The following B4GALNT2 variants were observed in gnomAD, a reference collection of about 807,000 sequenced individuals.
B4GALNT2 encodes the protein beta-1,4-N-acetyl-galactosaminyltransferase 2 (SID blood group).
In B4GALNT2, 42 loss-of-function variants were observed where a neutral mutation model predicts 51.1. That is an observed-to-expected ratio of 0.82 (90% CI 0.64 to 1.06). The LOEUF is 1.06. Ranked by LOEUF, B4GALNT2 falls within the 50% of genes least tolerant of loss-of-function variation. The pLI is 0.00. For synonymous variants in B4GALNT2, 253 were observed against 251.7 expected (o/e 1.01, Z -0.05); for missense variants, 602 against 633.6 (o/e 0.95, Z 0.54).
chr17:49,138,984 G>T (rs556151095), intron 1 of B4GALNT2, among the ~76,000 whole-genome samples: 1 of 152,154 alleles, frequency 6.6e-6, no homozygotes, highest in East Asian at 1.9e-4. Context: ...TCTTGGCAGG[G>T]GGTCTAGAAC....
chr17:49,141,617 C>T (rs964924915), intron 2 of B4GALNT2, among the ~76,000 whole-genome samples, 170 bp downstream of exon 2: 1 of 152,174 alleles, frequency 6.6e-6, no homozygotes, highest in Admixed American at 6.5e-5. Flanking sequence ...CTGTACGATC[C>T]AGTCTATGTT....
chr17:49,130,413 G>A (rs2042531304), upstream of B4GALNT2, among the ~76,000 whole-genome samples: 4 of 152,318 alleles, frequency 2.6e-5, no homozygotes, highest in Admixed American at 1.3e-4. Flanking sequence ...TGAGGTGGGT[G>A]GATCACCTGA....
chr17:49,132,144 A>G (rs371785013), upstream of B4GALNT2, among the ~76,000 whole-genome samples: 4 of 152,200 alleles, frequency 2.6e-5, no homozygotes, highest in African/African-American at 9.6e-5. Flanking sequence ...AAATTCTTGT[A>G]TTTGTGGCAG....
intron 1 of B4GALNT2, among the ~76,000 whole-genome samples, chr17:49,134,779 CAG>C (rs1567853348): frequency 3.3e-5 from 5 of 152,132 alleles, no homozygotes; most frequent in Non-Finnish European, 7.4e-5. Context: ...TTAGTAGAGA[CAG>C]GGTCTCATCA....
chr17:49,149,497 A>AT, intron 3 of B4GALNT2, among the ~76,000 whole-genome samples: 1 of 152,030 alleles, frequency 6.6e-6, no homozygotes, highest in East Asian at 1.9e-4. Flanking sequence ...AAATACAAAA[A>AT]TTAGCTGGAC....
chr17:49,152,027 C>T (rs1308690869), intron 3 of B4GALNT2, among the ~76,000 whole-genome samples: 1 of 151,930 alleles, frequency 6.6e-6, no homozygotes, highest in African/African-American at 2.4e-5. Context: ...CTGGGTGGGC[C>T]CCTACCGTCT....
Position 49,173,287 on chromosome 17 carries a change from T to A in B4GALNT2, c.*3559T>A, listed in dbSNP as rs1040039269. 2 of 152,250 alleles carry A rather than the reference T, an allele frequency of 1.3e-5. No individual in the cohort carries two copies. The highest frequency in any genetic ancestry group is 4.8e-5 in the African/African-American group (2 of 41,480). The allele number at this position is 152,250 out of a possible 1,614,324, so 9.4% of individuals were successfully genotyped here. Reference sequence around the variant, plus strand: ...TTAATTGTGTGGAATGAATCATGTATGAAGAATCAGAAATCACATTGATAG... The same window carrying A: ...TTAATTGTGTGGAATGAATCATGTAAGAAGAATCAGAAATCACATTGATAG... On this transcript the variant is annotated 3_prime_UTR_variant, in exon 11 of 11. Coordinates refer to ENST00000393354, the MANE Select transcript of B4GALNT2 (RefSeq NM_001159387.2).
the B4GALNT2 span, among the ~76,000 whole-genome samples, chr17:49,126,316 G>A: frequency 6.6e-6 from 1 of 152,056 alleles, no homozygotes; most frequent in Non-Finnish European, 1.5e-5. Flanking sequence ...CTCGTTAAGA[G>A]TCACCACCAC....
Position 49,141,299 on chromosome 17 carries a change from A to G in B4GALNT2, c.67A>G (p.Ile23Val). The change falls in exon 2 of 11, where the codon ATT becomes GTT. Residue 23 changes from isoleucine (I) to valine (V), a missense_variant. Ile to Val is a conservative substitution (Grantham distance 29). Coordinates refer to ENST00000393354, the MANE Select transcript of B4GALNT2 (RefSeq NM_001159387.2). The part of the protein sequence containing the change: ...KILVIILVLG[I>V]VGFMFGSMFL... ...ATTGGTCATAATCCTGGTACTTGGC[A>G]TTGTTGGATTTATGTTCGGAAGCAT... 6.2e-7 allele frequency: 1 copy of G among 1,613,946 alleles called. No individual in the cohort carries two copies. The highest frequency in any genetic ancestry group is 8.5e-7 in the Non-Finnish European group (1 of 1,179,990).
At chr17:49,133,251 G>C (rs774711287) in intron 1 of B4GALNT2, 1 of 1,459,162 alleles carries the variant, frequency 6.9e-7, no homozygotes, top group Admixed American at 3.2e-5. Flanking sequence ...GGGACTGCGG[G>C]CTGTGGACAG....
Position 49,134,837 on chromosome 17 carries a change from C to T in B4GALNT2, c.14+2031C>T, listed in dbSNP as rs543649221. On this transcript the variant is annotated intron_variant, in intron 1 of 10. Coordinates refer to ENST00000393354, the MANE Select transcript of B4GALNT2 (RefSeq NM_001159387.2). ...AACTCCTGACCTCAAATGATCCACC[C>T]GCCTCAGCCTCCCAAAGTGCTGGGA... Among the ~76,000 whole-genome samples the T allele has an allele frequency of 2.2e-4, 33 of 152,280 alleles. 1 individual carries two copies. In the South Asian group the frequency reaches 6.8e-3, roughly 32 times the overall value.
chr17:49,136,022 G>T (rs1018377836), intron 1 of B4GALNT2, among the ~76,000 whole-genome samples: 1 of 150,952 alleles, frequency 6.6e-6, no homozygotes, highest in African/African-American at 2.4e-5. Context: ...GGTGGAGCTC[G>T]CAGTGAGCTG....
At position 49,141,360 on chromosome 17, in the gene B4GALNT2, A is replaced by T. The variant is rs781092842; in HGVS notation, c.128A>T (p.Glu43Val). Reference sequence around the variant, plus strand: ...GCAGTGTTCAGCAGCCCCAAGCCAGAACTCCCAAGTCCTGCCCCGGGTGTC... The same window carrying T: ...GCAGTGTTCAGCAGCCCCAAGCCAGTACTCCCAAGTCCTGCCCCGGGTGTC... ...LQAVFSSPKP[E>V]LPSPAPGVQK... Residue 43 changes from glutamate to valine, a missense_variant, in exon 2 of 11, where the codon GAA becomes GTA. Coordinates refer to ENST00000393354, the MANE Select transcript of B4GALNT2 (RefSeq NM_001159387.2). 1 of 1,614,126 alleles carries T rather than the reference A, an allele frequency of 6.2e-7. No homozygotes were observed. Among genetic ancestry groups the T allele is most frequent in the Non-Finnish European group, 8.5e-7 (1 of 1,180,020 alleles).
At chr17:49,127,432 C>T in the B4GALNT2 span, among the ~76,000 whole-genome samples, 4 of 152,266 alleles carry the variant, frequency 2.6e-5, no homozygotes, top group South Asian at 8.3e-4. Context: ...ACTCTTAAGA[C>T]ATTTCTAATC....
Position 49,169,983 on chromosome 17 carries a change from T to G in B4GALNT2, c.*255T>G. 1 of 371,792 alleles carries G rather than the reference T, an allele frequency of 2.7e-6. No homozygotes were observed. Among genetic ancestry groups the G allele is most frequent in the East Asian group, 4.1e-5 (1 of 24,608 alleles). 23.0% of individuals were successfully genotyped at this position (371,792 alleles called of 1,614,324 possible). On this transcript the variant is annotated 3_prime_UTR_variant, in exon 11 of 11. Coordinates refer to ENST00000393354, the MANE Select transcript of B4GALNT2 (RefSeq NM_001159387.2). ...ACAATGCCCTGCCTTTTTTGAAGCA[T>G]TTGCATGGGCAGTATCTCACATCAT...
rs568699761 is a variant in B4GALNT2, at chr17:49,169,698, C to T, written c.1491C>T (p.Tyr497=). 1.9e-5 allele frequency: 31 copies of T among 1,595,612 alleles called. No individual in the cohort carries two copies. The highest frequency in any genetic ancestry group is 2.5e-5 in the Non-Finnish European group (29 of 1,168,952). Residue 497 remains tyrosine, a synonymous_variant, in exon 11 of 11, where the codon TAC becomes TAT. Transcript: ENST00000393354. Reference sequence around the variant, plus strand: ...TCCAGTTCAAGCTGGCCCTCCACTACTTCAAGAACCATCTCCAATGTGCCG... The same window carrying T: ...TCCAGTTCAAGCTGGCCCTCCACTATTTCAAGAACCATCTCCAATGTGCCG... The part of the protein sequence containing the change: ...TRVQFKLALH[Y]FKNHLQCAA
At chr17:49,154,920 A>G (rs375540352) in intron 4 of B4GALNT2, among the ~76,000 whole-genome samples, 1 of 152,176 alleles carries the variant, frequency 6.6e-6, no homozygotes, top group African/African-American at 2.4e-5. Flanking sequence ...GATAGATTCT[A>G]AAGTAAATGC....
chr17:49,162,219 G>C (rs901378986), intron 7 of B4GALNT2, among the ~76,000 whole-genome samples: 1 of 151,948 alleles, frequency 6.6e-6, no homozygotes, highest in Non-Finnish European at 1.5e-5. Flanking sequence ...AAAAATCTTC[G>C]ATTCACATTA....
chr17:49,129,082 C>T (rs1167144091), upstream of B4GALNT2, among the ~76,000 whole-genome samples: 1 of 152,166 alleles, frequency 6.6e-6, no homozygotes, highest in Non-Finnish European at 1.5e-5. Flanking sequence ...CAGATCTTAC[C>T]AGTTAGCTGG....
Sources: gnomAD v4.1 joint callset for allele counts (sites outside exome capture counted in the v4.1 genomes callset) on GRCh38, gnomAD v4.1.1 for gene constraint, MANE v1.5 for transcripts, NCBI Gene and HGNC (gene_info 2026-07-23, HGNC 2026-07-21) for gene names.